The following TENM2 variants were observed in gnomAD, a reference collection of about 807,000 sequenced individuals.
TENM2 encodes teneurin transmembrane protein 2.
A neutral mutation model predicts 245.2 loss-of-function variants in TENM2; 52 were observed. The observed-to-expected ratio is 0.21, with a 90% CI of 0.17 to 0.27. The LOEUF is 0.27. Among genes scored for constraint, TENM2 ranks in the 10% least tolerant of loss-of-function variants. TENM2 has a pLI of 1.00. For synonymous variants in TENM2, 1,363 were observed against 1,438.9 expected (o/e 0.95, Z 1.19); for missense variants, 3,046 against 3,666.8 (o/e 0.83, Z 4.37).
At chr5:167,635,891 G>A (rs1338541249) in intron 2 of TENM2, among the ~76,000 whole-genome samples, 4 of 151,886 alleles carry the variant, frequency 2.6e-5, no homozygotes, top group South Asian at 2.1e-4. Flanking sequence ...TGATCCACCC[G>A]CCTCGGCCTC....
At chr5:168,132,005 T>C (rs565138661) in intron 12 of TENM2, among the ~76,000 whole-genome samples, 37 of 152,266 alleles carry the variant, frequency 2.4e-4, no homozygotes, top group African/African-American at 7.9e-4. Flanking sequence ...ATGCAAAAGC[T>C]GTTCCATTGC....
intron 2 of TENM2, among the ~76,000 whole-genome samples, chr5:167,398,853 C>T (rs908936806): frequency 1.3e-5 from 2 of 152,056 alleles, no homozygotes; most frequent in Non-Finnish European, 2.9e-5. Context: ...TGCATAGTAC[C>T]GATTATTTTT....
intron 2 of TENM2, among the ~76,000 whole-genome samples, chr5:167,720,288 G>A (rs891015861): frequency 2.6e-5 from 4 of 151,964 alleles, no homozygotes; most frequent in South Asian, 2.1e-4. Context: ...TAAACAAACA[G>A]TTAAACATAA....
At chr5:168,188,434 C>G (rs563049517) in intron 13 of TENM2, among the ~76,000 whole-genome samples, 1 of 152,170 alleles carries the variant, frequency 6.6e-6, no homozygotes, top group Non-Finnish European at 1.5e-5. Flanking sequence ...GATTGACTAA[C>G]GAATTCGTTC....
the TENM2 span, among the ~76,000 whole-genome samples, chr5:167,031,161 T>A: frequency 1.3e-5 from 2 of 152,124 alleles, no homozygotes; most frequent in African/African-American, 2.4e-5. Context: ...AAAGGCAAGA[T>A]TTTCTAAAAG....
At chr5:166,980,205 C>T in the TENM2 span, among the ~76,000 whole-genome samples, 2 of 152,100 alleles carry the variant, frequency 1.3e-5, no homozygotes, top group Non-Finnish European at 2.9e-5. Context: ...AGTGATTGAG[C>T]TATTGCTAAA....
the TENM2 span, among the ~76,000 whole-genome samples, chr5:166,984,804 G>A: frequency 6.6e-6 from 1 of 151,840 alleles, no homozygotes; most frequent in South Asian, 2.1e-4. Context: ...TCTTAATTAT[G>A]ATAATTTTTC....
chr5:167,472,919 G>A (rs1767128815), intron 2 of TENM2, among the ~76,000 whole-genome samples: 1 of 152,226 alleles, frequency 6.6e-6, no homozygotes, highest in Middle Eastern at 3.4e-3. Context: ...GAACAGCTGT[G>A]ACTTTCAGTG....
chr5:167,018,595 C>A, the TENM2 span, among the ~76,000 whole-genome samples: 1 of 152,076 alleles, frequency 6.6e-6, no homozygotes, highest in Admixed American at 6.6e-5. Flanking sequence ...ATTTATGTAT[C>A]CACATGCGAG....
At chr5:168,149,538 C>T (rs1217672095) in intron 12 of TENM2, 6 of 455,560 alleles carry the variant, frequency 1.3e-5, no homozygotes, top group Admixed American at 7.1e-5. Flanking sequence ...CTAGCATTAG[C>T]GGTGCCACAT....
chr5:167,707,320 A>C (rs1758604082), intron 2 of TENM2, among the ~76,000 whole-genome samples: 1 of 152,142 alleles, frequency 6.6e-6, no homozygotes, highest in African/African-American at 2.4e-5. Flanking sequence ...TTTGGATATT[A>C]ACCCTTTATC....
intron 2 of TENM2, among the ~76,000 whole-genome samples, chr5:167,727,104 C>CTTTTTTTTTTTTTTTT (rs1227700479): frequency 1.0e-5 from 1 of 96,132 alleles, no homozygotes; most frequent in Non-Finnish European, 1.9e-5. Flanking sequence ...CCATTAATTT[C>CTTTTTTTTTTTTTTTT]TTTTTTTTTT....
chr5:167,712,981 G>A (rs2150489294), intron 2 of TENM2, among the ~76,000 whole-genome samples: 1 of 152,218 alleles, frequency 6.6e-6, no homozygotes, highest in African/African-American at 2.4e-5. Context: ...ACAGAGCCCA[G>A]ACAAAAGTAT....
intron 8 of TENM2, among the ~76,000 whole-genome samples, chr5:168,096,149 GT>G (rs1488510757): frequency 6.6e-6 from 1 of 152,190 alleles, no homozygotes; most frequent in Non-Finnish European, 1.5e-5. Flanking sequence ...TCCCAAGGCT[GT>G]TCCCAATACA....
chr5:168,174,987 C>A (rs1218402620), intron 13 of TENM2, among the ~76,000 whole-genome samples: 1 of 152,174 alleles, frequency 6.6e-6, no homozygotes, highest in Admixed American at 6.5e-5. Context: ...TGCCCCCTGC[C>A]CCACTTAGGA....
intron 12 of TENM2, among the ~76,000 whole-genome samples, chr5:168,136,118 A>C (rs966698616): frequency 1.3e-5 from 2 of 152,182 alleles, no homozygotes; most frequent in African/African-American, 4.8e-5. Context: ...GTAAGAGTCA[A>C]AATGAAACTG....
rs115605472 is a variant in TENM2, at chr5:167,810,054, C to G, written c.503-65932C>G. On this transcript the variant is annotated intron_variant, in intron 2 of 28. Coordinates refer to ENST00000518659, the Ensembl canonical transcript of TENM2. ...TCTTTAAGGAAATAATCTTATTAGT[C>G]CCTCTTATTAAGGAAGCCTCTGCAG... is the stretch of plus-strand genomic sequence containing the variant. Among the ~76,000 whole-genome samples, 573 of 152,128 alleles carry G rather than the reference C, an allele frequency of 3.8e-3. 6 individuals are homozygous for G. The highest frequency in any genetic ancestry group is 0.013 in the African/African-American group (533 of 41,516).
chr5:167,146,656 G>T, the TENM2 span, among the ~76,000 whole-genome samples: 3 of 152,122 alleles, frequency 2.0e-5, no homozygotes, highest in Non-Finnish European at 4.4e-5. Flanking sequence ...CAGCTTGACT[G>T]CCTTGAGCCT....
chr5:168,240,485 C>G (rs147509169), intron 25 of TENM2, among the ~76,000 whole-genome samples: 1 of 152,284 alleles, frequency 6.6e-6, no homozygotes, highest in African/African-American at 2.4e-5. Context: ...CCATCTATAT[C>G]TTGTGTGCAA....
Sources: gnomAD v4.1 joint callset for allele counts (sites outside exome capture counted in the v4.1 genomes callset) on GRCh38, gnomAD v4.1.1 for gene constraint, MANE v1.5 for transcripts, NCBI Gene and HGNC (gene_info 2026-07-23, HGNC 2026-07-21) for gene names.